Variants in STXBP3 observed in about 807,000 individuals in gnomAD.
The protein encoded by STXBP3 is syntaxin binding protein 3.
STXBP3 carries 41 observed loss-of-function variants against 85.7 expected under a neutral mutation model. The observed-to-expected ratio is 0.48, with a 90% confidence interval of 0.37 to 0.62. STXBP3 has a LOEUF of 0.62. Among genes scored for constraint, STXBP3 ranks in the 20% least tolerant of loss-of-function variants. The probability of loss-of-function intolerance (pLI) is 0.00; values close to 1 mark genes in which losing one functional copy is unlikely to be tolerated. For synonymous variants in STXBP3, 229 were observed against 231.7 expected (o/e 0.99, Z 0.10); for missense variants, 563 against 703.1 (o/e 0.80, Z 2.25).
At chr1:108,762,368 A>C (rs537237474) in intron 6 of STXBP3, among the ~76,000 whole-genome samples, 1 of 152,326 alleles carries the variant, frequency 6.6e-6, no homozygotes, top group African/African-American at 2.4e-5. Flanking sequence ...ATACACAAGA[A>C]ATCAGGAATA....
intron 12 of STXBP3, 99 bp downstream of exon 12, chr1:108,793,746 C>T: frequency 1.0e-6 from 1 of 998,106 alleles, no homozygotes. Flanking sequence ...TCGTGGAATA[C>T]TTGGTGTTAT....
intron 3 of STXBP3, among the ~76,000 whole-genome samples, chr1:108,754,452 A>G (rs1377170389): frequency 6.6e-6 from 1 of 152,216 alleles, no homozygotes; most frequent in African/African-American, 2.4e-5. Context: ...ACTCCTGGAT[A>G]AGTGAAATAT....
chr1:108,808,708 G>C (rs1663393153), intron 18 of STXBP3, 75 bp from the exon 19 acceptor site: 1 of 1,163,452 alleles, frequency 8.6e-7, no homozygotes, highest in Non-Finnish European at 1.3e-6. Flanking sequence ...ATATTTGAAG[G>C]ACAACACATT....
intron 13 of STXBP3, 53 bp from the exon 14 acceptor site, chr1:108,796,181 C>A (rs1663091347): frequency 2.5e-6 from 4 of 1,580,412 alleles, no homozygotes; most frequent in Non-Finnish European, 2.6e-6. Context: ...ATGTTTTTAA[C>A]TAAAAAATGA....
At chr1:108,755,428 C>T (rs1661998576) in intron 3 of STXBP3, among the ~76,000 whole-genome samples, 1 of 151,858 alleles carries the variant, frequency 6.6e-6, no homozygotes, top group African/African-American at 2.4e-5. Context: ...GCCTGGGTGA[C>T]AAAATGAGAC....
At chr1:108,768,536 G>T (rs1662317088) in intron 6 of STXBP3, among the ~76,000 whole-genome samples, 1 of 152,176 alleles carries the variant, frequency 6.6e-6, no homozygotes, top group Non-Finnish European at 1.5e-5. Flanking sequence ...TCAGAAGAGT[G>T]CAGGAGAACA....
At chr1:108,753,966 T>C (rs900053505) in intron 3 of STXBP3, among the ~76,000 whole-genome samples, 1 of 152,020 alleles carries the variant, frequency 6.6e-6, no homozygotes, top group Non-Finnish European at 1.5e-5. Context: ...TTCAAAAGTA[T>C]ACCCAGTATT....
chr1:108,754,529 A>G (rs1206360012), intron 3 of STXBP3, among the ~76,000 whole-genome samples: 1 of 152,192 alleles, frequency 6.6e-6, no homozygotes, highest in Non-Finnish European at 1.5e-5. Flanking sequence ...GGTGAGAACC[A>G]TTTGATAATA....
At chr1:108,807,290 A>G (rs2101141255) in intron 17 of STXBP3, 111 bp from the exon 18 acceptor site, 3 of 1,088,362 alleles carry the variant, frequency 2.8e-6, no homozygotes, top group Non-Finnish European at 3.8e-6. Context: ...AATCAATGTA[A>G]TTGGTAGCAA....
At chr1:108,776,184 A>G (rs2101120194) in intron 7 of STXBP3, 149 bp from the exon 8 acceptor site, 4 of 456,760 alleles carry the variant, frequency 8.8e-6, no homozygotes, top group Non-Finnish European at 1.1e-5. Context: ...TATTTGATAC[A>G]TTATCTGAAC....
intron 11 of STXBP3, among the ~76,000 whole-genome samples, chr1:108,787,548 A>T (rs912126896): frequency 7.5e-5 from 11 of 147,542 alleles, no homozygotes; most frequent in African/African-American, 9.9e-5. Flanking sequence ...TACGTTTAAA[A>T]TTTTTTTTTT....
At chr1:108,753,562 C>T (rs914463056) in intron 3 of STXBP3, among the ~76,000 whole-genome samples, 6 of 151,752 alleles carry the variant, frequency 4.0e-5, no homozygotes, top group East Asian at 1.9e-4. Context: ...ATGCTGACTT[C>T]GTAAATTTAT....
intron 11 of STXBP3, among the ~76,000 whole-genome samples, chr1:108,787,002 T>G (rs553974897): frequency 6.6e-6 from 1 of 152,330 alleles, no homozygotes; most frequent in East Asian, 1.9e-4. Flanking sequence ...TTCTAGGTAT[T>G]TGATTTTTTG....
At chr1:108,796,408 C>T (rs1343752156) in intron 14 of STXBP3, 36 bp downstream of exon 14, 3 of 1,373,342 alleles carry the variant, frequency 2.2e-6, no homozygotes, top group Non-Finnish European at 3.0e-6. Flanking sequence ...AAGTATTTTA[C>T]TATTGATCAT....
intron 11 of STXBP3, among the ~76,000 whole-genome samples, chr1:108,783,190 T>C (rs1189274464): frequency 1.3e-5 from 2 of 152,258 alleles, no homozygotes; most frequent in Non-Finnish European, 2.9e-5. Flanking sequence ...ATAAAGTTTA[T>C]TTTAAGGCCA....
intron 11 of STXBP3, among the ~76,000 whole-genome samples, chr1:108,791,984 G>A (rs563100265): frequency 5.9e-5 from 9 of 152,078 alleles, no homozygotes; most frequent in African/African-American, 1.7e-4. Context: ...TTTTATTGCT[G>A]AGTAGTATTC....
At chr1:108,770,305 G>C (rs538766220) in intron 6 of STXBP3, among the ~76,000 whole-genome samples, 8 of 152,122 alleles carry the variant, frequency 5.3e-5, no homozygotes, top group Non-Finnish European at 8.8e-5. Flanking sequence ...AAAAAACAAA[G>C]ACAAAAACAA....
At chr1:108,782,355 A>G (rs959666043) in intron 9 of STXBP3, 67 bp from the exon 10 acceptor site, 3 of 1,208,678 alleles carry the variant, frequency 2.5e-6, no homozygotes, top group Non-Finnish European at 2.4e-6. Flanking sequence ...TATTGTTTGT[A>G]AAAATGTTTC....
At chr1:108,765,794 C>T (rs1361855702) in intron 6 of STXBP3, among the ~76,000 whole-genome samples, 1 of 151,082 alleles carries the variant, frequency 6.6e-6, no homozygotes, top group African/African-American at 2.4e-5. Context: ...TGGTCTCAAA[C>T]TCCTGACCTC....
Sources: gnomAD v4.1 joint callset for allele counts (sites outside exome capture counted in the v4.1 genomes callset) on GRCh38, gnomAD v4.1.1 for gene constraint, MANE v1.5 for transcripts, NCBI Gene and HGNC (gene_info 2026-07-23, HGNC 2026-07-21) for gene names.